ENPP1: variants seen among roughly 807,000 people sequenced by gnomAD.
The protein encoded by ENPP1 is ectonucleotide pyrophosphatase/phosphodiesterase 1.
ENPP1 carries 73 observed loss-of-function variants against 122.8 expected under a neutral mutation model. The ratio of observed to expected loss-of-function variants is 0.59; its 90% CI spans 0.49 to 0.72. The LOEUF is 0.72. Among genes scored for constraint, ENPP1 ranks in the 30% least tolerant of loss-of-function variants. The pLI is 0.00. For missense variants in ENPP1, 978 were observed against 1,128.1 expected, an observed-to-expected ratio of 0.87 and a Z score of 1.91; for synonymous variants, 367 against 391.6, an observed-to-expected ratio of 0.94 and a Z score of 0.74.
In ENPP1 at chr6:131,890,772, A is replaced by T. The variant is rs959510372; in HGVS notation, c.*261A>T. 1.9e-5 allele frequency: 9 copies of T among 473,414 alleles called. No individual in the cohort carries two copies. The highest frequency in any genetic ancestry group is 1.8e-4 in the African/African-American group (9 of 51,158). The allele number at this position is 473,414 out of a possible 1,614,324, so 29.3% of individuals were successfully genotyped here. Reference sequence around the variant, plus strand: ...GGGAATAAAGACAGACCACACCTAAAACTGCCTTTCTGCTTCTCTTAAAGG... The same window carrying T: ...GGGAATAAAGACAGACCACACCTAATACTGCCTTTCTGCTTCTCTTAAAGG... On this transcript the variant is annotated 3_prime_UTR_variant, in exon 25 of 25. Transcript: ENST00000647893.
intron 1 of ENPP1, chr6:131,825,969 C>T: frequency 1.8e-6 from 1 of 565,194 alleles, no homozygotes; most frequent in South Asian, 2.6e-5. Context: ...AAACATGAGT[C>T]TCTTCATTAG....
chr6:131,887,174 G>T (rs1562186841), intron 24 of ENPP1, among the ~76,000 whole-genome samples: 1 of 151,694 alleles, frequency 6.6e-6, no homozygotes, highest in Non-Finnish European at 1.5e-5. Flanking sequence ...TTTAAAACTG[G>T]ATGTATAATT....
At chr6:131,851,339 A>T (rs1230832880) in intron 4 of ENPP1, 72 bp downstream of exon 4, 5 of 1,594,818 alleles carry the variant, frequency 3.1e-6, no homozygotes, top group Non-Finnish European at 4.3e-6. Context: ...CATAGGTGTT[A>T]TCTTTTATAT....
At chr6:131,881,914 G>GA (rs1298876069) in intron 20 of ENPP1, among the ~76,000 whole-genome samples, 1 of 152,108 alleles carries the variant, frequency 6.6e-6, no homozygotes, top group Non-Finnish European at 1.5e-5. Flanking sequence ...AGCTACTCGG[G>GA]AAGCTGAGGC....
rs564304453 is a variant in ENPP1 at position 131,893,949 on chromosome 6, C to CTTTTTTTTTTTTTTTTTTTTTTT, written c.*3446_*3468dup. 6.7e-5 allele frequency: 4 copies of CTTTTTTTTTTTTTTTTTTTTTTT among 59,476 alleles called. No homozygotes were observed. Among genetic ancestry groups the CTTTTTTTTTTTTTTTTTTTTTTT allele is most frequent in the Non-Finnish European group, 1.2e-4 (4 of 32,640 alleles). 3.7% of individuals were successfully genotyped at this position (59,476 alleles called of 1,614,324 possible). ...GTGAAACCTTTATTTATCTTGATTT[C>CTTTTTTTTTTTTTTTTTTTTTTT]TTTTTTTTTTTTTTTTTTTTTTTTT... On this transcript the variant is annotated 3_prime_UTR_variant, in exon 25 of 25. Transcript: ENST00000647893.
At position 131,808,158 on chromosome 6, in the gene ENPP1, G is replaced by C; in HGVS notation, c.123G>C (p.Gly41=). 1.4e-6 allele frequency: 2 copies of C among 1,452,470 alleles called. No homozygotes were observed. The highest frequency in any genetic ancestry group is 1.8e-6 in the Non-Finnish European group (2 of 1,097,316). 90.0% of individuals were successfully genotyped at this position (1,452,470 alleles called of 1,614,324 possible). A position where few individuals can be genotyped will look rare whatever the true frequency, so the allele number is the denominator to read the frequency against. The change falls in exon 1 of 25, where the codon GGG becomes GGC. Residue 41 remains glycine (G), a synonymous_variant. Transcript: ENST00000647893. ...GCAGCCACGCTGCCGAGGCGCCCGGGGACCCGCAGGCGGCCGCGTCCTTGC... is the reference window on the plus strand; with the variant it reads ...GCAGCCACGCTGCCGAGGCGCCCGGCGACCCGCAGGCGGCCGCGTCCTTGC... ...RGRSHAAEAP[G]DPQAAASLLA...
chr6:131,884,135 A>G (rs1469912671), intron 22 of ENPP1, among the ~76,000 whole-genome samples: 2 of 152,234 alleles, frequency 1.3e-5, no homozygotes, highest in Non-Finnish European at 2.9e-5. Context: ...ATTTTACATC[A>G]TCATTAACTA....
At position 131,882,288 on chromosome 6, in the gene ENPP1, A is replaced by T. The variant is rs550314061; in HGVS notation, c.2101-57A>T. 314 of 1,491,042 alleles carry T rather than the reference A, an allele frequency of 2.1e-4. 5 individuals are homozygous for T. The South Asian group carries it at 3.3e-3, about 16-fold the overall frequency. 92.4% of individuals were successfully genotyped at this position (1,491,042 alleles called of 1,614,324 possible). ...GTAGTTCACCTTTAAATATTAATAAAGCAATTTTCTTCTCTGTGCCTGATA... is the reference window on the plus strand; with the variant it reads ...GTAGTTCACCTTTAAATATTAATAATGCAATTTTCTTCTCTGTGCCTGATA... On this transcript the variant is annotated intron_variant, in intron 20 of 24. Coordinates refer to ENST00000647893, the MANE Select transcript of ENPP1 (RefSeq NM_006208.3).
At chr6:131,830,013 G>A (rs773698285) in intron 1 of ENPP1, among the ~76,000 whole-genome samples, 3 of 152,168 alleles carry the variant, frequency 2.0e-5, no homozygotes, top group Admixed American at 6.5e-5. Flanking sequence ...AAAAGAAAAG[G>A]CAGTAACACA....
At chr6:131,821,580 G>A (rs747386276) in intron 1 of ENPP1, among the ~76,000 whole-genome samples, 4 of 152,156 alleles carry the variant, frequency 2.6e-5, no homozygotes, top group Non-Finnish European at 5.9e-5. Context: ...CTGTGCTCTC[G>A]TGTGTTGCTT....
chr6:131,879,795 G>A (rs1782277659), intron 19 of ENPP1, 85 bp from the exon 20 acceptor site: 1 of 1,197,922 alleles, frequency 8.3e-7, no homozygotes, highest in Non-Finnish European at 1.2e-6. Context: ...TAATTAAGTA[G>A]AGGAAAGGAT....
At chr6:131,854,834 C>T (rs1443340747) in intron 5 of ENPP1, 92 bp from the exon 6 acceptor site, 4 of 879,138 alleles carry the variant, frequency 4.5e-6, no homozygotes, top group Non-Finnish European at 3.8e-6. Flanking sequence ...GGAAAATCTT[C>T]ACTGGACCTG....
At chr6:131,828,222 C>T in intron 1 of ENPP1, 2 of 559,748 alleles carry the variant, frequency 3.6e-6, no homozygotes, top group South Asian at 2.8e-5. Flanking sequence ...AGGCATGGTG[C>T]AATGATTGTC....
chr6:131,888,607 C>CTATGATAAACT lies in ENPP1; in HGVS notation c.2608-1732_2608-1722dup, dbSNP rs2114734752. 2.0e-5 allele frequency among the ~76,000 whole-genome samples: 3 copies of CTATGATAAACT among 152,258 alleles called. No individual in the cohort carries two copies. The South Asian group carries it at 6.2e-4, about 32-fold the overall frequency. Reference sequence around the variant, plus strand: ...AAGATATGTCTCTCCTTAATTGTTTCTATGATAAACTTTCAGAATTACTTG... The same window carrying CTATGATAAACT: ...AAGATATGTCTCTCCTTAATTGTTTCTATGATAAACTTATGATAAACTTTCAGAATTACTTG... On this transcript the variant is annotated intron_variant, in intron 24 of 24. Coordinates refer to ENST00000647893, the MANE Select transcript of ENPP1 (RefSeq NM_006208.3).
At chr6:131,830,480 C>T (rs1031971490) in intron 1 of ENPP1, among the ~76,000 whole-genome samples, 2 of 152,130 alleles carry the variant, frequency 1.3e-5, no homozygotes, top group East Asian at 1.9e-4. Context: ...AGTCCAGGCA[C>T]CTGACCACAG....
chr6:131,835,000 T>C (rs1781658027), intron 1 of ENPP1, among the ~76,000 whole-genome samples: 1 of 152,228 alleles, frequency 6.6e-6, no homozygotes, highest in Non-Finnish European at 1.5e-5. Context: ...TTAGTCCAAC[T>C]CTTTTTGTTT....
At position 131,841,991 on chromosome 6, in the gene ENPP1, C is replaced by G. The variant is rs73778328; in HGVS notation, c.241-5785C>G. ...TCCACTGACCGCCCGCAGGCTGCCTCAGGACCCATTTGTTCCCTCCCTTTT... is the reference window on the plus strand; with the variant it reads ...TCCACTGACCGCCCGCAGGCTGCCTGAGGACCCATTTGTTCCCTCCCTTTT... On this transcript the variant is annotated intron_variant, in intron 1 of 24. Coordinates refer to ENST00000647893, the MANE Select transcript of ENPP1 (RefSeq NM_006208.3). Among the ~76,000 whole-genome samples, 773 of 152,210 alleles carry G rather than the reference C, an allele frequency of 5.1e-3. 3 individuals carry two copies. The highest frequency in any genetic ancestry group is 0.016 in the African/African-American group (674 of 41,518).
intron 23 of ENPP1, 66 bp downstream of exon 23, chr6:131,885,129 C>T: frequency 6.6e-7 from 1 of 1,518,620 alleles, no homozygotes; most frequent in Non-Finnish European, 9.1e-7. Flanking sequence ...GATTACCATC[C>T]AGTTGAGTCA....
At chr6:131,849,287 A>G (rs949722695) in intron 2 of ENPP1, among the ~76,000 whole-genome samples, 1 of 152,196 alleles carries the variant, frequency 6.6e-6, no homozygotes, top group Non-Finnish European at 1.5e-5. Flanking sequence ...TCTAACTGGG[A>G]TATTAACCAA....
Sources: allele counts gnomAD v4.1 joint callset (sites outside exome capture counted in the v4.1 genomes callset), GRCh38; gene constraint gnomAD v4.1.1; transcripts MANE v1.5; gene names NCBI Gene and HGNC (gene_info 2026-07-23, HGNC 2026-07-21).